Variants in PACRG observed in about 807,000 individuals in gnomAD.
PACRG encodes parkin coregulated, also known as parkin coregulated gene protein.
PACRG carries 29 observed loss-of-function variants against 29.7 expected under a neutral mutation model. The ratio of observed to expected loss-of-function variants is 0.98; its 90% CI spans 0.73 to 1.33. PACRG has a LOEUF of 1.33. PACRG is among the 40% of genes most tolerant of loss of function. PACRG has a pLI of 0.00. For missense variants in PACRG, 279 were observed against 316.2 expected (o/e 0.88, Z 0.89); for synonymous variants, 116 against 118.7 (o/e 0.98, Z 0.15).
In PACRG at chr6:163,138,235, G is replaced by T. The variant is rs576663560; in HGVS notation, c.613+48827G>T. On this transcript the variant is annotated intron_variant, in intron 4 of 4. Coordinates refer to ENST00000366888, the MANE Select transcript of PACRG (RefSeq NM_001080379.2). ...GTTGTTTTGTTTAACACCTCAGCTTGGATCTGGACGTTTTTCTAACTTAAG... is the reference window on the plus strand; with the variant it reads ...GTTGTTTTGTTTAACACCTCAGCTTTGATCTGGACGTTTTTCTAACTTAAG... Among the ~76,000 whole-genome samples the T allele has an allele frequency of 3.3e-5, 5 of 152,278 alleles. No individual in the cohort carries two copies. The South Asian group carries it at 8.3e-4, about 25-fold the overall frequency.
At chr6:162,785,505 G>T (rs926203159) in intron 1 of PACRG, among the ~76,000 whole-genome samples, 2 of 151,762 alleles carry the variant, frequency 1.3e-5, no homozygotes, top group Non-Finnish European at 2.9e-5. Context: ...CAAGATCAGT[G>T]GTCTGCAACC....
chr6:163,048,256 A>G (rs1027360764), intron 2 of PACRG, among the ~76,000 whole-genome samples: 8 of 152,202 alleles, frequency 5.3e-5, no homozygotes, highest in Admixed American at 2.0e-4. Flanking sequence ...TCTCCTTTCT[A>G]ACCAAAATGG....
chr6:163,151,621 T>A (rs564415726), intron 4 of PACRG, among the ~76,000 whole-genome samples: 1 of 152,314 alleles, frequency 6.6e-6, no homozygotes, highest in East Asian at 1.9e-4. Context: ...GTTTGCTTAT[T>A]CCAGATAGAA....
In PACRG at chr6:162,756,832, C is replaced by T. The variant is rs533346700; in HGVS notation, c.156+28441C>T. On this transcript the variant is annotated intron_variant, in intron 1 of 4. Coordinates refer to ENST00000366888, the MANE Select transcript of PACRG (RefSeq NM_001080379.2). ...AATTATTCTATTTGCTTCGTAGTCA[C>T]CATGAGACTTACATAAATATCTTTT... Among the ~76,000 whole-genome samples, 4 of 152,208 alleles carry T rather than the reference C, an allele frequency of 2.6e-5. No homozygotes were observed. The South Asian group carries it at 8.3e-4, about 32-fold the overall frequency.
chr6:163,144,646 G>C (rs1368928548), intron 4 of PACRG, among the ~76,000 whole-genome samples: 1 of 152,120 alleles, frequency 6.6e-6, no homozygotes, highest in Non-Finnish European at 1.5e-5. Context: ...GCGCATGCCT[G>C]TAATCCCAGC....
At chr6:163,126,802 A>G (rs1236840753) in intron 4 of PACRG, among the ~76,000 whole-genome samples, 1 of 152,260 alleles carries the variant, frequency 6.6e-6, no homozygotes, top group East Asian at 1.9e-4. Flanking sequence ...CTGTAAATCC[A>G]CAAGGCCCAT....
At chr6:162,897,346 CT>C (rs1266091741) in intron 2 of PACRG, among the ~76,000 whole-genome samples, 4 of 152,094 alleles carry the variant, frequency 2.6e-5, no homozygotes. Context: ...GTTTCGTATT[CT>C]TTTTTCAAAG....
intron 1 of PACRG, among the ~76,000 whole-genome samples, chr6:162,798,605 T>G (rs1269558171): frequency 6.6e-6 from 1 of 152,220 alleles, no homozygotes; most frequent in African/African-American, 2.4e-5. Flanking sequence ...AGGAGAAATG[T>G]TCACACTAGA....
At position 162,983,973 on chromosome 6, in the gene PACRG, C is replaced by A. The variant is rs985418393; in HGVS notation, c.292-78177C>A. Among the ~76,000 whole-genome samples, 4 of 151,924 alleles carry A rather than the reference C, an allele frequency of 2.6e-5. No individual in the cohort carries two copies. In the East Asian group the frequency reaches 5.8e-4, roughly 22 times the overall value. On this transcript the variant is annotated intron_variant, in intron 2 of 4. Coordinates refer to ENST00000366888, the MANE Select transcript of PACRG (RefSeq NM_001080379.2). ...CTTAGGTTTACCTGTTTAACATAAT[C>A]CCAAATTTATTGGAGGTTTTGTTCA...
intron 4 of PACRG, among the ~76,000 whole-genome samples, chr6:163,288,152 T>A (rs1483052503): frequency 6.6e-6 from 1 of 152,230 alleles, no homozygotes; most frequent in Non-Finnish European, 1.5e-5. Flanking sequence ...TAATTGCAAT[T>A]TCGTCTCATG....
At chr6:162,861,306 T>G (rs933846498) in intron 2 of PACRG, among the ~76,000 whole-genome samples, 1 of 152,220 alleles carries the variant, frequency 6.6e-6, no homozygotes, top group African/African-American at 2.4e-5. Context: ...ATTCCCAGTT[T>G]TCACTCATAG....
chr6:163,062,274 G>T lies in PACRG; in HGVS notation c.416G>T (p.Gly139Val). 1 of 1,614,044 alleles carries T rather than the reference G, an allele frequency of 6.2e-7. No individual in the cohort carries two copies. Among genetic ancestry groups the T allele is most frequent in the Non-Finnish European group, 8.5e-7 (1 of 1,179,998 alleles). Residue 139 changes from glycine to valine, a missense_variant, in exon 3 of 5, where the codon GGG becomes GTG. Coordinates refer to ENST00000366888, the MANE Select transcript of PACRG (RefSeq NM_001080379.2). ...QGIHDMLEHGGNKILPVLPQL... is the reference protein window; with the variant it reads ...QGIHDMLEHGVNKILPVLPQL... ...ATCCACGACATGCTGGAACACGGTG[G>T]GAACAAGATCCTACCTGTCCTTCCA... is the stretch of plus-strand genomic sequence containing the variant.
intron 4 of PACRG, among the ~76,000 whole-genome samples, chr6:163,304,606 A>G (rs1053741667): frequency 7.2e-5 from 11 of 152,244 alleles, no homozygotes; most frequent in African/African-American, 2.7e-4. Context: ...CAAAAGAAAG[A>G]AAGATGATGT....
chr6:163,276,004 CTTCCTTCT>C (rs1375345551), intron 4 of PACRG, among the ~76,000 whole-genome samples: 1 of 127,878 alleles, frequency 7.8e-6, no homozygotes, highest in African/African-American at 3.5e-5. Context: ...TCCTTCCTTC[CTTCCTTCT>C]TTCTTTCTTT....
rs187896660 is a variant in PACRG, at chr6:162,763,780, C to T, written c.156+35389C>T. Among the ~76,000 whole-genome samples, 375 of 152,210 alleles carry T rather than the reference C, an allele frequency of 2.5e-3. 1 individual carries two copies. The highest frequency in any genetic ancestry group is 8.5e-3 in the African/African-American group (354 of 41,526). ...CTGTTGACTTATATTAAAAGTACAG[C>T]GTTGTTTTATCTTCATTTATAATTA... On this transcript the variant is annotated intron_variant, in intron 1 of 4. Transcript: ENST00000366888.
chr6:163,048,052 A>G (rs1809584808), intron 2 of PACRG, among the ~76,000 whole-genome samples: 1 of 152,164 alleles, frequency 6.6e-6, no homozygotes, highest in African/African-American at 2.4e-5. Context: ...TTTTTATGCA[A>G]CAATGTTTTT....
intron 1 of PACRG, among the ~76,000 whole-genome samples, chr6:162,765,449 C>T (rs1368166133): frequency 1.3e-5 from 2 of 152,080 alleles, no homozygotes; most frequent in African/African-American, 4.8e-5. Context: ...TTGTTTATGG[C>T]TCTCTCAACA....
chr6:163,087,990 G>C (rs1813755709), intron 3 of PACRG, among the ~76,000 whole-genome samples: 1 of 152,196 alleles, frequency 6.6e-6, no homozygotes, highest in Non-Finnish European at 1.5e-5. Context: ...GGAGAAACAG[G>C]CTTTGACCTG....
At chr6:163,061,825 C>T (rs1218993813) in intron 2 of PACRG, among the ~76,000 whole-genome samples, 5 of 152,154 alleles carry the variant, frequency 3.3e-5, no homozygotes, top group African/African-American at 1.2e-4. Flanking sequence ...CTAGAGGCTT[C>T]TTGAATCCTA....
Sources: allele counts gnomAD v4.1 joint callset (sites outside exome capture counted in the v4.1 genomes callset), GRCh38; gene constraint gnomAD v4.1.1; transcripts MANE v1.5; gene names NCBI Gene and HGNC (gene_info 2026-07-23, HGNC 2026-07-21).